Variants in PDK2 observed in about 807,000 individuals in gnomAD.
The protein encoded by PDK2 is pyruvate dehydrogenase kinase, isozyme 2.
Under a neutral mutation model 50.4 loss-of-function variants are expected in PDK2, and 34 were observed. The observed-to-expected ratio is 0.68, with a 90% CI of 0.51 to 0.90. The LOEUF (loss-of-function observed/expected upper bound fraction) is 0.90. PDK2 is among the 40% of genes least tolerant of loss of function. The pLI is 0.00. For missense variants in PDK2, 377 were observed against 544.5 expected, an observed-to-expected ratio of 0.69 and a Z score of 3.06; for synonymous variants, 232 against 216.0, an observed-to-expected ratio of 1.07 and a Z score of -0.65.
intron 1 of PDK2, chr17:50,095,890 G>A: frequency 2.5e-6 from 2 of 787,154 alleles, no homozygotes; most frequent in South Asian, 3.7e-5. Context: ...AATGGGAGTT[G>A]TCCTCATGAC....
intron 1 of PDK2, chr17:50,096,214 GGGCAGGGGCCCCA>G (rs1291981496): frequency 3.0e-6 from 3 of 985,394 alleles, no homozygotes; most frequent in Non-Finnish European, 3.6e-6. Context: ...CTCCCCAGCT[GGGCAGGGGCCCCA>G]GGCACCGTGA....
At chr17:50,095,644 GC>G in intron 1 of PDK2, 91 bp downstream of exon 1, 1 of 1,492,786 alleles carries the variant, frequency 6.7e-7, no homozygotes. Flanking sequence ...GAGAAGAAAG[GC>G]CCCGAGTGAC....
rs1349876342 is a variant in PDK2 at position 50,101,794 on chromosome 17, G to C, written c.261-3577G>C. ...CCACCCCTCCTCCTTCTCATTCCTG[G>C]GGCTCTGGACTGGCTCTGGAGCCCT... On this transcript the variant is annotated intron_variant, in intron 2 of 10. Coordinates refer to ENST00000503176, the MANE Select transcript of PDK2 (RefSeq NM_002611.5). This position sits in a 1 kb window ranked among gnomAD's most constrained non-coding sequence, Gnocchi z 4.2. 3 of 152,244 alleles carry C rather than the reference G, an allele frequency of 2.0e-5. No individual in the cohort carries two copies. The South Asian group carries it at 6.2e-4, about 32-fold the overall frequency. 9.4% of individuals were successfully genotyped at this position (152,244 alleles called of 1,614,324 possible).
Position 50,105,411 on chromosome 17 carries a change from AAGGATCCCG to A in PDK2, c.306_314del (p.Pro103_Asp105del). 1 of 1,613,882 alleles carries A rather than the reference AAGGATCCCG, an allele frequency of 6.2e-7. No individual in the cohort carries two copies. The highest frequency in any genetic ancestry group is 8.5e-7 in the Non-Finnish European group (1 of 1,179,926). On this transcript the variant is annotated inframe_deletion, in exon 3 of 11. Coordinates refer to ENST00000503176, the MANE Select transcript of PDK2 (RefSeq NM_002611.5). ...CCTGGACATCATGGAGTTCCTGGAC[AAGGATCCCG>A]AGGACCATCGCACCCTGAGCCAGTG...
chr17:50,110,047 T>C lies in PDK2; in HGVS notation c.1174T>C (p.Cys392Arg). 6.2e-7 allele frequency: 1 copy of C among 1,611,156 alleles called. No homozygotes were observed. The highest frequency in any genetic ancestry group is 1.1e-5 in the South Asian group (1 of 90,386). ...GACCATCCAGGAGGCCGGCGACTGG[T>C]GTGTGCCCAGCACGGAGCCCAAGAA... The part of the protein sequence containing the change: ...YQTIQEAGDW[C>R]VPSTEPKNTS... Residue 392 changes from cysteine (C) to arginine (R), a missense_variant, in exon 11 of 11, where the codon TGT becomes CGT. This residue lies in a region of PDK2 where 214 missense variants were observed against 294.0 expected (regional missense o/e 0.73). Transcript: ENST00000503176.
chr17:50,099,351 C>T (rs1031080818), intron 2 of PDK2, among the ~76,000 whole-genome samples: 1 of 152,148 alleles, frequency 6.6e-6, no homozygotes, highest in Non-Finnish European at 1.5e-5. Context: ...CCCATGACTC[C>T]CCCAGGGGCC....
At position 50,108,217 on chromosome 17, in the gene PDK2, C is replaced by T; in HGVS notation, c.747C>T (p.Leu249=). Reference sequence around the variant, plus strand: ...TCCCCTCCCACCTCTACCACATGCTCTTTGAGCTCTTCAAGGTGAGGAGGC... The same window carrying T: ...TCCCCTCCCACCTCTACCACATGCTTTTTGAGCTCTTCAAGGTGAGGAGGC... ...VYVPSHLYHM[L]FELFKNAMRA... Residue 249 remains leucine, a synonymous_variant, in exon 7 of 11, where the codon CTC becomes CTT. Transcript: ENST00000503176. 6.3e-7 allele frequency: 1 copy of T among 1,598,520 alleles called. No homozygotes were observed. Among genetic ancestry groups the T allele is most frequent in the Non-Finnish European group, 8.5e-7 (1 of 1,171,248 alleles).
chr17:50,105,983 A>AC lies in PDK2; in HGVS notation c.435dup (p.Val146ArgfsTer32). ...GAGTACAAGGACACCTACGGCGATG[A>AC]CCCCGTCTCCAACCAGAACATCCAG... is the stretch of plus-strand genomic sequence containing the variant. On this transcript the variant is annotated frameshift_variant, in exon 4 of 11. Transcript: ENST00000503176. LOFTEE classifies it high-confidence loss of function. 6.2e-7 allele frequency: 1 copy of AC among 1,611,898 alleles called. No individual in the cohort carries two copies. Among genetic ancestry groups the AC allele is most frequent in the South Asian group, 1.1e-5 (1 of 90,566 alleles).
In PDK2 at chr17:50,109,838, T is replaced by G; in HGVS notation, c.1084-119T>G. ...GGACACAGGAGGGACCACCCTTTTGTGGTCTTTCCAGGCCCCCGTGTCTGG... is the reference window on the plus strand; with the variant it reads ...GGACACAGGAGGGACCACCCTTTTGGGGTCTTTCCAGGCCCCCGTGTCTGG... On this transcript the variant is annotated intron_variant, in intron 10 of 10. Coordinates refer to ENST00000503176, the MANE Select transcript of PDK2 (RefSeq NM_002611.5). The surrounding 1 kb of genome is among the most constrained non-coding windows in gnomAD (Gnocchi z 5.0). 8.8e-7 allele frequency: 1 copy of G among 1,141,812 alleles called. No homozygotes were observed. The highest frequency in any genetic ancestry group is 1.2e-6 in the Non-Finnish European group (1 of 833,476). 70.7% of individuals were successfully genotyped at this position (1,141,812 alleles called of 1,614,324 possible).
At position 50,109,393 on chromosome 17, in the gene PDK2, A is replaced by C. The variant is rs199817074; in HGVS notation, c.1076A>C (p.Tyr359Ser). The C allele has an allele frequency of 5.0e-5, 81 of 1,605,082 alleles. No individual in the cohort carries two copies. Among genetic ancestry groups the C allele is most frequent in the Non-Finnish European group, 3.5e-5 (41 of 1,173,046 alleles). ...GGCTTTGGGACCGATGCTGTCATCT[A>C]TCTCAAGGTGAGGGCCCTTCCCGCA... ...MEGFGTDAVI[Y>S]LKALSTDSVE... is the part of the protein sequence containing the mutation. The change falls in exon 10 of 11, where the codon TAT becomes TCT. Residue 359 changes from tyrosine to serine, a missense_variant. This residue lies in a region of PDK2 where 214 missense variants were observed against 294.0 expected (regional missense o/e 0.73). Coordinates refer to ENST00000503176, the MANE Select transcript of PDK2 (RefSeq NM_002611.5). The surrounding 1 kb of genome is among the most constrained non-coding windows in gnomAD (Gnocchi z 5.0).
chr17:50,109,851 C>A lies in PDK2; in HGVS notation c.1084-106C>A. The A allele has an allele frequency of 7.9e-7, 1 of 1,270,762 alleles. No homozygotes were observed. Among genetic ancestry groups the A allele is most frequent in the Non-Finnish European group, 1.1e-6 (1 of 949,606 alleles). The allele number at this position is 1,270,762 out of a possible 1,614,324, so 78.7% of individuals were successfully genotyped here. On this transcript the variant is annotated intron_variant, in intron 10 of 10. Transcript: ENST00000503176. This position sits in a 1 kb window ranked among gnomAD's most constrained non-coding sequence, Gnocchi z 5.0. ...ACCACCCTTTTGTGGTCTTTCCAGGCCCCCGTGTCTGGCAGCTGGGCTGCC... is the reference window on the plus strand; with the variant it reads ...ACCACCCTTTTGTGGTCTTTCCAGGACCCCGTGTCTGGCAGCTGGGCTGCC...
rs1910717193 is a variant in PDK2, at chr17:50,109,600, G to A, written c.1083+200G>A. Among the ~76,000 whole-genome samples the A allele has an allele frequency of 6.6e-6, 1 of 152,176 alleles. No homozygotes were observed. Among genetic ancestry groups the A allele is most frequent in the African/African-American group, 2.4e-5 (1 of 41,442 alleles). On this transcript the variant is annotated intron_variant, in intron 10 of 10. Coordinates refer to ENST00000503176, the MANE Select transcript of PDK2 (RefSeq NM_002611.5). This position sits in a 1 kb window ranked among gnomAD's most constrained non-coding sequence, Gnocchi z 5.0. ...CACGCACTGCTTGTCAGGGAATTTA[G>A]GGGAGTCTGTGGTCTATGATTAAGA...
At chr17:50,108,767 T>TCTA in intron 9 of PDK2, 48 bp downstream of exon 9, 2 of 1,027,770 alleles carry the variant, frequency 1.9e-6, no homozygotes, top group Non-Finnish European at 3.0e-6. Context: ...GGGAGGCTTC[T>TCTA]CTCCTCACTC....
In PDK2 at chr17:50,106,879, C is replaced by T. The variant is rs1374620383; in HGVS notation, c.603C>T (p.Val201=). The T allele has an allele frequency of 3.7e-6, 6 of 1,613,614 alleles. No individual in the cohort carries two copies. The highest frequency in any genetic ancestry group is 2.7e-5 in the African/African-American group (2 of 74,904). The change falls in exon 5 of 11, where the codon GTC becomes GTT. Residue 201 remains valine, a synonymous_variant. Coordinates refer to ENST00000503176, the MANE Select transcript of PDK2 (RefSeq NM_002611.5). ...IDPNCNVSEV[V]KDAYDMAKLL... ...CCAACTGCAACGTCTCTGAGGTGGTCAAAGGTGAGCCATTCCCACGGTGCC... is the reference window on the plus strand; with the variant it reads ...CCAACTGCAACGTCTCTGAGGTGGTTAAAGGTGAGCCATTCCCACGGTGCC...
chr17:50,105,829 C>G lies in PDK2; in HGVS notation c.333-56C>G, dbSNP rs1052700091. The G allele has an allele frequency of 2.5e-5, 39 of 1,577,560 alleles. No homozygotes were observed. In the East Asian group the frequency reaches 8.7e-4, roughly 35 times the overall value. On this transcript the variant is annotated intron_variant, in intron 3 of 10. Coordinates refer to ENST00000503176, the MANE Select transcript of PDK2 (RefSeq NM_002611.5). Reference sequence around the variant, plus strand: ...GTGAAGACACCGTGGAGAGGGGAGTCAGAAGCGGAGAAGAGTCTGGGGGTG... The same window carrying G: ...GTGAAGACACCGTGGAGAGGGGAGTGAGAAGCGGAGAAGAGTCTGGGGGTG...
Position 50,106,823 on chromosome 17 carries a change from G to A in PDK2, c.547G>A (p.Ala183Thr). 6.2e-7 allele frequency: 1 copy of A among 1,614,116 alleles called. No homozygotes were observed. The highest frequency in any genetic ancestry group is 8.5e-7 in the Non-Finnish European group (1 of 1,180,008). Residue 183 changes from alanine (A) to threonine (T), a missense_variant, in exon 5 of 11, where the codon GCC becomes ACC. Transcript: ENST00000503176. The part of the protein sequence containing the change: ...TLIFDGSTNP[A>T]HPKHIGSIDP... ...CATCTTTGATGGCAGCACCAACCCA[G>A]CCCATCCCAAACACATCGGCAGCAT... is the stretch of plus-strand genomic sequence containing the variant.
chr17:50,096,574 G>T (rs955586836), intron 1 of PDK2, among the ~76,000 whole-genome samples: 1 of 152,098 alleles, frequency 6.6e-6, no homozygotes, highest in African/African-American at 2.4e-5. Context: ...TGCCCTGCCT[G>T]AGTCTTGAGC....
At position 50,109,877 on chromosome 17, in the gene PDK2, G is replaced by C. The variant is rs961354814; in HGVS notation, c.1084-80G>C. 1.4e-6 allele frequency: 2 copies of C among 1,382,232 alleles called. No homozygotes were observed. Among genetic ancestry groups the C allele is most frequent in the Non-Finnish European group, 1.9e-6 (2 of 1,050,640 alleles). 85.6% of individuals were successfully genotyped at this position (1,382,232 alleles called of 1,614,324 possible). On this transcript the variant is annotated intron_variant, in intron 10 of 10. Coordinates refer to ENST00000503176, the MANE Select transcript of PDK2 (RefSeq NM_002611.5). This position sits in a 1 kb window ranked among gnomAD's most constrained non-coding sequence, Gnocchi z 5.0. ...CCCCGTGTCTGGCAGCTGGGCTGCC[G>C]CTGAGCTGGGGTGGGGTGGTCTGCT...
At position 50,108,688 on chromosome 17, in the gene PDK2, C is replaced by A; in HGVS notation, c.938C>A (p.Thr313Asn). Residue 313 changes from threonine (T) to asparagine (N), a missense_variant, in exon 9 of 11, where the codon ACC becomes AAC. By Grantham distance (65) the Thr-to-Asn change is moderately conservative (BLOSUM62 0). Coordinates refer to ENST00000503176, the MANE Select transcript of PDK2 (RefSeq NM_002611.5). The part of the protein sequence containing the change: ...LFSYMYSTAP[T>N]PQPGTGGTPL... Reference sequence around the variant, plus strand: ...AGCTACATGTACTCCACAGCACCCACCCCCCAGCCTGGCACCGGGGGAACG... The same window carrying A: ...AGCTACATGTACTCCACAGCACCCAACCCCCAGCCTGGCACCGGGGGAACG... The A allele has an allele frequency of 6.2e-7, 1 of 1,611,508 alleles. No homozygotes were observed.
Sources: allele counts gnomAD v4.1 joint callset (sites outside exome capture counted in the v4.1 genomes callset), GRCh38; gene constraint gnomAD v4.1.1; regional missense constraint gnomAD v4.1.1; non-coding constraint Gnocchi (gnomAD v3.1); transcripts MANE v1.5; gene names NCBI Gene and HGNC (gene_info 2026-07-23, HGNC 2026-07-21).